The following LUZP2 variants were observed in gnomAD, a reference collection of about 807,000 sequenced individuals.
LUZP2 encodes the protein leucine zipper protein 2.
LUZP2 carries 52 observed loss-of-function variants against 51.6 expected under a neutral mutation model. The ratio of observed to expected loss-of-function variants is 1.01; its 90% CI spans 0.81 to 1.27. LUZP2 has a LOEUF of 1.27. LUZP2 is among the 50% of genes most tolerant of loss of function. The pLI, the probability that LUZP2 is intolerant of heterozygous loss-of-function variation, is 0.00. For missense variants in LUZP2, 436 were observed against 395.4 expected, an observed-to-expected ratio of 1.10 and a Z score of -0.87; for synonymous variants, 154 against 137.3, an observed-to-expected ratio of 1.12 and a Z score of -0.85.
chr11:24,873,831 T>G (rs1247861469), intron 5 of LUZP2, among the ~76,000 whole-genome samples: 1 of 152,202 alleles, frequency 6.6e-6, no homozygotes, highest in Non-Finnish European at 1.5e-5. Context: ...TTAACTTGTT[T>G]GTTAAATAGA....
At chr11:24,882,819 G>GAAGGGAGGAAGA (rs374077815) in intron 5 of LUZP2, among the ~76,000 whole-genome samples, 5 of 150,436 alleles carry the variant, frequency 3.3e-5, no homozygotes, top group South Asian at 2.1e-4. Context: ...AAGAAGGGAG[G>GAAGGGAGGAAGA]GAGGGAGGGA....
chr11:24,959,327 T>A (rs1311150105), intron 7 of LUZP2, among the ~76,000 whole-genome samples: 1 of 152,158 alleles, frequency 6.6e-6, no homozygotes, highest in Non-Finnish European at 1.5e-5. Context: ...TGGCATTGAA[T>A]CTATAAATTA....
chr11:24,566,594 G>A (rs778745672), intron 1 of LUZP2, among the ~76,000 whole-genome samples: 19 of 130,704 alleles, frequency 1.5e-4, no homozygotes, highest in African/African-American at 4.7e-4. Flanking sequence ...ATGTATGTGT[G>A]TATATATATA....
chr11:24,984,494 G>A (rs1856128663), intron 9 of LUZP2, among the ~76,000 whole-genome samples: 1 of 110,012 alleles, frequency 9.1e-6, no homozygotes, highest in Non-Finnish European at 1.9e-5. Context: ...TTATATTATT[G>A]TCTGTGTTTT....
intron 9 of LUZP2, among the ~76,000 whole-genome samples, chr11:25,014,162 G>A (rs556508773): frequency 6.6e-6 from 1 of 152,248 alleles, no homozygotes; most frequent in African/African-American, 2.4e-5. Flanking sequence ...TTGGACATTT[G>A]GGTTGGTTCC....
rs1403382857 is a variant in LUZP2, at chr11:25,081,401, TC to T, written c.*2744del. On this transcript the variant is annotated 3_prime_UTR_variant, in exon 12 of 12. Coordinates refer to ENST00000336930, the MANE Select transcript of LUZP2 (RefSeq NM_001009909.4). Reference sequence around the variant, plus strand: ...TCCAGCAAAGTTTACTGTGTTATACTCATTGCATCATTTGTTTAAAAAAAAA... The same window carrying T: ...TCCAGCAAAGTTTACTGTGTTATACTATTGCATCATTTGTTTAAAAAAAAA... The T allele has an allele frequency of 6.6e-6, 1 of 151,746 alleles. No individual in the cohort carries two copies. The highest frequency in any genetic ancestry group is 1.5e-5 in the Non-Finnish European group (1 of 67,958). 9.4% of individuals were successfully genotyped at this position (151,746 alleles called of 1,614,324 possible).
At chr11:24,780,523 T>C (rs1347246193) in intron 5 of LUZP2, among the ~76,000 whole-genome samples, 1 of 152,144 alleles carries the variant, frequency 6.6e-6, no homozygotes, top group Non-Finnish European at 1.5e-5. Flanking sequence ...ACAAAAACTA[T>C]TGAGCAGGAA....
chr11:24,988,625 AAT>A lies in LUZP2; in HGVS notation c.765+5334_765+5335del, dbSNP rs557872744. 2.3e-3 allele frequency among the ~76,000 whole-genome samples: 354 copies of A among 152,174 alleles called. 1 individual carries two copies. Among genetic ancestry groups the A allele is most frequent in the African/African-American group, 8.1e-3 (338 of 41,554 alleles). The stretch of plus-strand genomic sequence containing the variant: ...GACTATGTAATGTGGTCCTTTATGA[AAT>A]AGTGTTAAAGAAGACATGATTATGC... On this transcript the variant is annotated intron_variant, in intron 9 of 11. Coordinates refer to ENST00000336930, the MANE Select transcript of LUZP2 (RefSeq NM_001009909.4).
chr11:25,080,342 G>A lies in LUZP2; in HGVS notation c.*1684G>A, dbSNP rs1382367905. On this transcript the variant is annotated 3_prime_UTR_variant, in exon 12 of 12. Coordinates refer to ENST00000336930, the MANE Select transcript of LUZP2 (RefSeq NM_001009909.4). ...GCACGTTTAAGCAGGTTTAAGTTAG[G>A]GTGGGCTATGATTTTCCATTTAGGT... 2 of 152,050 alleles carry A rather than the reference G, an allele frequency of 1.3e-5. No homozygotes were observed. Among genetic ancestry groups the A allele is most frequent in the Admixed American group, 1.3e-4 (2 of 15,264 alleles). 9.4% of individuals were successfully genotyped at this position (152,050 alleles called of 1,614,324 possible). A position where few individuals can be genotyped will look rare whatever the true frequency, so the allele number is the denominator to read the frequency against.
intron 9 of LUZP2, among the ~76,000 whole-genome samples, chr11:25,019,524 G>A (rs964867072): frequency 6.6e-6 from 1 of 151,884 alleles, no homozygotes; most frequent in African/African-American, 2.4e-5. Context: ...ATTTAAATGA[G>A]CATGGTTTGG....
At chr11:24,863,225 C>A (rs1851790841) in intron 5 of LUZP2, among the ~76,000 whole-genome samples, 1 of 152,134 alleles carries the variant, frequency 6.6e-6, no homozygotes, top group African/African-American at 2.4e-5. Context: ...GAAATCAAAA[C>A]CCATTTTCAT....
chr11:24,831,925 G>T (rs1301834625), intron 5 of LUZP2: 6 of 152,540 alleles, frequency 3.9e-5, no homozygotes, highest in Non-Finnish European at 7.4e-5. Flanking sequence ...GAGACCAAGA[G>T]ATCTCCAGTG....
chr11:24,875,528 G>A (rs1174645982), intron 5 of LUZP2, among the ~76,000 whole-genome samples: 1 of 144,338 alleles, frequency 6.9e-6, no homozygotes, highest in Non-Finnish European at 1.5e-5. Context: ...TTGGTTCCAA[G>A]TCTTTGCTAT....
At chr11:24,806,136 G>C (rs1849850071) in intron 5 of LUZP2, among the ~76,000 whole-genome samples, 1 of 152,112 alleles carries the variant, frequency 6.6e-6, no homozygotes, top group South Asian at 2.1e-4. Context: ...AAAAATCTTG[G>C]GGATAAAAAG....
At chr11:24,736,148 C>T (rs1858927554) in intron 3 of LUZP2, among the ~76,000 whole-genome samples, 1 of 151,878 alleles carries the variant, frequency 6.6e-6, no homozygotes, top group Admixed American at 6.6e-5. Context: ...CTCTAGATGT[C>T]AGAATGGGGG....
chr11:24,592,085 C>T (rs1853279611), intron 1 of LUZP2, among the ~76,000 whole-genome samples: 1 of 152,184 alleles, frequency 6.6e-6, no homozygotes, highest in African/African-American at 2.4e-5. Context: ...CACCAGGGCA[C>T]ATTCTGTGTG....
chr11:24,943,511 T>C (rs1369094757), intron 7 of LUZP2, among the ~76,000 whole-genome samples: 2 of 152,182 alleles, frequency 1.3e-5, no homozygotes, highest in African/African-American at 4.8e-5. Context: ...AGTCACCTTT[T>C]CCTGTAGGAC....
At chr11:24,833,307 G>A (rs1282626466) in intron 5 of LUZP2, among the ~76,000 whole-genome samples, 1 of 152,152 alleles carries the variant, frequency 6.6e-6, no homozygotes, top group Non-Finnish European at 1.5e-5. Flanking sequence ...GTAGAACTCT[G>A]AAAGATAATA....
intron 5 of LUZP2, among the ~76,000 whole-genome samples, chr11:24,783,307 T>C (rs1443370744): frequency 6.6e-6 from 1 of 151,846 alleles, no homozygotes; most frequent in Admixed American, 6.6e-5. Flanking sequence ...GCTGACAGAG[T>C]GGAAAACTGC....
Sources: allele counts gnomAD v4.1 joint callset (sites outside exome capture counted in the v4.1 genomes callset), GRCh38; gene constraint gnomAD v4.1.1; transcripts MANE v1.5; gene names NCBI Gene and HGNC (gene_info 2026-07-23, HGNC 2026-07-21).